The following MAN2A1 variants were observed in gnomAD, a reference collection of about 807,000 sequenced individuals.
MAN2A1 encodes mannosidase alpha class 2A member 1, also known as alpha-mannosidase 2.
A neutral mutation model predicts 142.6 loss-of-function variants in MAN2A1; 76 were observed. The observed-to-expected ratio is 0.53, with a 90% confidence interval of 0.44 to 0.65. MAN2A1 has a LOEUF of 0.65. Ranked by LOEUF, MAN2A1 falls within the 30% of genes least tolerant of loss-of-function variation. The probability of loss-of-function intolerance (pLI) is 0.00; values close to 1 mark genes in which losing one functional copy is unlikely to be tolerated. For synonymous variants in MAN2A1, 559 were observed against 473.2 expected (o/e 1.18, Z -2.35); for missense variants, 1,311 against 1,365.1 (o/e 0.96, Z 0.62).
intron 20 of MAN2A1, among the ~76,000 whole-genome samples, chr5:109,858,714 G>A (rs1453421884): frequency 1.3e-5 from 2 of 152,238 alleles, no homozygotes; most frequent in African/African-American, 4.8e-5. Flanking sequence ...ACCTTAGCAT[G>A]ATAAGGACGC....
chr5:109,797,390 G>A (rs994691557), intron 12 of MAN2A1, among the ~76,000 whole-genome samples: 11 of 152,056 alleles, frequency 7.2e-5, no homozygotes, highest in African/African-American at 2.4e-4. Flanking sequence ...GAGGAGAGGA[G>A]TGAGATAAGG....
chr5:109,834,702 T>C (rs150627809), intron 16 of MAN2A1, among the ~76,000 whole-genome samples: 105 of 152,332 alleles, frequency 6.9e-4, no homozygotes, highest in African/African-American at 2.5e-3. Context: ...GTTTTATGAA[T>C]GGCACAAAGC....
intron 4 of MAN2A1, among the ~76,000 whole-genome samples, chr5:109,733,315 C>T (rs1041943783): frequency 6.6e-6 from 1 of 152,190 alleles, no homozygotes; most frequent in African/African-American, 2.4e-5. Flanking sequence ...CAAACAGGGA[C>T]AATGTGACTT....
chr5:109,728,687 T>G (rs146360768), intron 3 of MAN2A1, among the ~76,000 whole-genome samples: 217 of 152,328 alleles, frequency 1.4e-3, no homozygotes, highest in African/African-American at 5.0e-3. Context: ...TTGAAAAATT[T>G]TACCTATATG....
In MAN2A1 at chr5:109,853,232, G is replaced by A. The variant is rs571952698; in HGVS notation, c.2977-1908G>A. Among the ~76,000 whole-genome samples the A allele has an allele frequency of 1.2e-4, 18 of 152,226 alleles. No homozygotes were observed. In the South Asian group the frequency reaches 2.7e-3, roughly 23 times the overall value. On this transcript the variant is annotated intron_variant, in intron 19 of 21. Coordinates refer to ENST00000261483, the MANE Select transcript of MAN2A1 (RefSeq NM_002372.4). ...TTCTCTATAAGATTGGATGTCTGGG[G>A]TGGCACTTCCCGGCACAGGGTCATG... is the stretch of plus-strand genomic sequence containing the variant.
rs144946591 is a variant in MAN2A1, at chr5:109,726,399, TACTC to T, written c.536-2941_536-2938del. On this transcript the variant is annotated intron_variant, in intron 3 of 21. Coordinates refer to ENST00000261483, the MANE Select transcript of MAN2A1 (RefSeq NM_002372.4). ...AATAAAAGCTAATTTACTGTTATAT[TACTC>T]AGTACTGAAAGCTGCAAGAGGCTAT... Among the ~76,000 whole-genome samples, 881 of 152,324 alleles carry T rather than the reference TACTC, an allele frequency of 5.8e-3. 8 individuals carry two copies. Among genetic ancestry groups the T allele is most frequent in the African/African-American group, 0.02 (828 of 41,560 alleles).
chr5:109,805,359 A>G (rs1308148850), intron 12 of MAN2A1, among the ~76,000 whole-genome samples: 1 of 152,220 alleles, frequency 6.6e-6, no homozygotes, highest in Admixed American at 6.5e-5. Context: ...GTAAGTCCAC[A>G]TATTTATTCT....
Position 109,744,817 on chromosome 5 carries a change from A to T in MAN2A1, c.708-10512A>T, listed in dbSNP as rs538559383. Among the ~76,000 whole-genome samples the T allele has an allele frequency of 1.4e-3, 213 of 152,336 alleles. 2 individuals are homozygous for T. The highest frequency in any genetic ancestry group is 4.8e-3 in the African/African-American group (199 of 41,584). ...CAAAAAGACTTGTACAGACATTTTC[A>T]TACAGGCTTTTTCCTAGTAACTTCA... On this transcript the variant is annotated intron_variant, in intron 4 of 21. Coordinates refer to ENST00000261483, the MANE Select transcript of MAN2A1 (RefSeq NM_002372.4).
chr5:109,743,604 G>A (rs1752327324), intron 4 of MAN2A1, among the ~76,000 whole-genome samples: 1 of 152,088 alleles, frequency 6.6e-6, no homozygotes, highest in South Asian at 2.1e-4. Context: ...CCTTTCCTGT[G>A]ACATCCAGTT....
At chr5:109,740,333 A>T (rs1752231893) in intron 4 of MAN2A1, among the ~76,000 whole-genome samples, 1 of 152,220 alleles carries the variant, frequency 6.6e-6, no homozygotes, top group Non-Finnish European at 1.5e-5. Context: ...TGCCCCATCT[A>T]TGAAAGGTTT....
At chr5:109,783,106 G>A (rs895952671) in intron 9 of MAN2A1, among the ~76,000 whole-genome samples, 1 of 151,956 alleles carries the variant, frequency 6.6e-6, no homozygotes, top group Non-Finnish European at 1.5e-5. Flanking sequence ...AGATCGTTTT[G>A]GACCACTGAA....
At chr5:109,847,569 A>G in intron 18 of MAN2A1, 88 bp from the exon 19 acceptor site, 1 of 1,207,180 alleles carries the variant, frequency 8.3e-7, no homozygotes, top group East Asian at 3.1e-5. Flanking sequence ...AGAGCAATAC[A>G]TCATGACTGC....
intron 19 of MAN2A1, among the ~76,000 whole-genome samples, chr5:109,848,806 C>A (rs1755406071): frequency 6.6e-6 from 1 of 152,186 alleles, no homozygotes; most frequent in African/African-American, 2.4e-5. Context: ...ATACAGCCTT[C>A]CTTCAGACTC....
intron 1 of MAN2A1, among the ~76,000 whole-genome samples, chr5:109,709,003 T>C (rs1463541927): frequency 4.6e-5 from 7 of 152,194 alleles, no homozygotes; most frequent in African/African-American, 1.7e-4. Flanking sequence ...TCTAATCAAT[T>C]GCTAAACCAC....
intron 3 of MAN2A1, among the ~76,000 whole-genome samples, chr5:109,722,563 C>T (rs987430943): frequency 4.6e-5 from 7 of 152,066 alleles, no homozygotes; most frequent in Admixed American, 6.6e-5. Flanking sequence ...TACAGGCACA[C>T]GCCACAGTGC....
At chr5:109,723,505 T>G (rs1199307546) in intron 3 of MAN2A1, among the ~76,000 whole-genome samples, 3 of 152,286 alleles carry the variant, frequency 2.0e-5, no homozygotes, top group East Asian at 3.9e-4. Flanking sequence ...CTCTGTTTAT[T>G]TCAACTGCAG....
intron 3 of MAN2A1, among the ~76,000 whole-genome samples, chr5:109,717,584 CAT>C (rs1232251749): frequency 6.6e-6 from 1 of 152,080 alleles, no homozygotes; most frequent in Non-Finnish European, 1.5e-5. Flanking sequence ...ATGTTTTCCT[CAT>C]ATATATTTTA....
intron 21 of MAN2A1, 99 bp from the exon 22 acceptor site, chr5:109,866,747 G>A: frequency 1.4e-6 from 1 of 739,226 alleles, no homozygotes; most frequent in Admixed American, 2.7e-5. Context: ...TCAACATACT[G>A]TTTTATTCCT....
At chr5:109,835,659 G>A (rs970605765) in intron 16 of MAN2A1, among the ~76,000 whole-genome samples, 1 of 152,186 alleles carries the variant, frequency 6.6e-6, no homozygotes, top group African/African-American at 2.4e-5. Context: ...ACTTTGCTGG[G>A]ATATGAGTGA....
Sources: gnomAD v4.1 joint callset for allele counts (sites outside exome capture counted in the v4.1 genomes callset) on GRCh38, gnomAD v4.1.1 for gene constraint, MANE v1.5 for transcripts, NCBI Gene and HGNC (gene_info 2026-07-23, HGNC 2026-07-21) for gene names.